Variants in NLGN1 observed in about 807,000 individuals in gnomAD.
NLGN1 encodes the protein neuroligin-1.
Under a neutral mutation model 65.5 loss-of-function variants are expected in NLGN1, and 12 were observed. The ratio of observed to expected loss-of-function variants is 0.18; its 90% CI spans 0.12 to 0.30. NLGN1 has a LOEUF of 0.30. NLGN1 is among the 10% of genes least tolerant of loss of function. The probability of loss-of-function intolerance (pLI) is 1.00; values close to 1 mark genes in which losing one functional copy is unlikely to be tolerated. For synonymous variants in NLGN1, 350 were observed against 359.5 expected (o/e 0.97, Z 0.30); for missense variants, 750 against 1,007.1 (o/e 0.74, Z 3.46).
At chr3:174,265,101 T>C (rs906664359) in intron 4 of NLGN1, among the ~76,000 whole-genome samples, 1 of 151,740 alleles carries the variant, frequency 6.6e-6, no homozygotes, top group Non-Finnish European at 1.5e-5. Flanking sequence ...GACAGGGACA[T>C]TTAAGTCTGC....
intron 3 of NLGN1, among the ~76,000 whole-genome samples, chr3:173,675,927 G>A (rs1763109801): frequency 7.0e-6 from 1 of 142,536 alleles, no homozygotes. Flanking sequence ...ACACACTAGA[G>A]TATAAGTAAA....
At chr3:173,738,402 A>G (rs571433742) in intron 3 of NLGN1, among the ~76,000 whole-genome samples, 8 of 152,142 alleles carry the variant, frequency 5.3e-5, no homozygotes, top group Non-Finnish European at 7.4e-5. Context: ...TTCATAATCT[A>G]TTTGGAGTTA....
chr3:173,899,654 T>C (rs996462823), intron 4 of NLGN1, among the ~76,000 whole-genome samples: 4 of 152,114 alleles, frequency 2.6e-5, no homozygotes, highest in African/African-American at 9.6e-5. Context: ...TTAATAAAGT[T>C]TTATTGGAAC....
intron 4 of NLGN1, among the ~76,000 whole-genome samples, chr3:174,074,443 T>C (rs1740497114): frequency 6.6e-6 from 1 of 152,204 alleles, no homozygotes; most frequent in Non-Finnish European, 1.5e-5. Flanking sequence ...CAAACTGTTC[T>C]TTATAGTAAT....
intron 2 of NLGN1, among the ~76,000 whole-genome samples, chr3:173,600,538 GAA>G (rs34634992): frequency 0.69 from 99,977 of 145,064 alleles, 35,739 homozygotes; most frequent in Non-Finnish European, 0.8. Flanking sequence ...AGTTCAACAA[GAA>G]AACAAATAAA....
At chr3:174,123,037 A>G (rs1413088056) in intron 4 of NLGN1, among the ~76,000 whole-genome samples, 1 of 152,138 alleles carries the variant, frequency 6.6e-6, no homozygotes, top group Non-Finnish European at 1.5e-5. Context: ...GGAACCACCA[A>G]GAAGAGGATG....
intron 5 of NLGN1, 79 bp from the exon 6 acceptor site, chr3:174,278,782 G>A (rs1751052974): frequency 8.6e-7 from 1 of 1,158,702 alleles, no homozygotes; most frequent in Admixed American, 3.1e-5. Flanking sequence ...TTATATACAT[G>A]TCTAAAATAT....
intron 4 of NLGN1, among the ~76,000 whole-genome samples, chr3:173,869,441 A>G (rs1730769410): frequency 6.6e-6 from 1 of 152,162 alleles, no homozygotes; most frequent in African/African-American, 2.4e-5. Flanking sequence ...CTAATGGCCA[A>G]TGGCAAAGGT....
At chr3:174,110,357 A>G (rs1003139566) in intron 4 of NLGN1, among the ~76,000 whole-genome samples, 4 of 151,884 alleles carry the variant, frequency 2.6e-5, no homozygotes, top group African/African-American at 9.7e-5. Context: ...TTTTATTTCT[A>G]TCTAGCTGTT....
chr3:173,456,605 C>G (rs1330909811), intron 2 of NLGN1, among the ~76,000 whole-genome samples: 1 of 152,054 alleles, frequency 6.6e-6, no homozygotes, highest in Admixed American at 6.6e-5. Flanking sequence ...TTCAGGAGTT[C>G]AAATGAAGAG....
chr3:173,452,432 C>T (rs751748383), intron 2 of NLGN1, among the ~76,000 whole-genome samples: 8 of 152,170 alleles, frequency 5.3e-5, no homozygotes, highest in Non-Finnish European at 1.0e-4. Flanking sequence ...ATGATCCACC[C>T]GCCTTGGCCT....
intron 2 of NLGN1, among the ~76,000 whole-genome samples, chr3:173,451,840 G>A (rs1047370079): frequency 6.6e-5 from 10 of 152,190 alleles, no homozygotes; most frequent in Non-Finnish European, 1.3e-4. Context: ...GGCTCCGTGG[G>A]CGTAGGACCC....
chr3:173,427,664 G>A (rs573887397), intron 1 of NLGN1, among the ~76,000 whole-genome samples: 145 of 151,824 alleles, frequency 9.6e-4, no homozygotes, highest in African/African-American at 3.4e-3. Context: ...ATTCCATTGT[G>A]GTCAGAAAAG....
chr3:173,965,711 T>C (rs1420068142), intron 4 of NLGN1, among the ~76,000 whole-genome samples: 1 of 152,108 alleles, frequency 6.6e-6, no homozygotes, highest in East Asian at 1.9e-4. Context: ...TTTTTCAGGA[T>C]CTTTTATTCA....
chr3:173,684,483 C>G (rs1181723859), intron 3 of NLGN1, among the ~76,000 whole-genome samples: 2 of 152,134 alleles, frequency 1.3e-5, no homozygotes, highest in Non-Finnish European at 2.9e-5. Flanking sequence ...TAAAAGATGT[C>G]CATTGCTCTA....
chr3:173,824,728 T>C (rs1720992522), intron 4 of NLGN1, among the ~76,000 whole-genome samples: 1 of 152,136 alleles, frequency 6.6e-6, no homozygotes, highest in South Asian at 2.1e-4. Context: ...ATGATCGTGC[T>C]GTGTCTCCCT....
chr3:174,272,158 CCTT>C (rs1749519586), intron 4 of NLGN1, among the ~76,000 whole-genome samples: 1 of 151,554 alleles, frequency 6.6e-6, no homozygotes, highest in Non-Finnish European at 1.5e-5. Context: ...AAAGGAAAAG[CCTT>C]CTTCTCCAAA....
chr3:174,212,987 A>T lies in NLGN1; in HGVS notation c.647-62328A>T, dbSNP rs77954742. ...ACTTAAAGGCCCCTGTGATTACATT[A>T]GACCCACCTGGATAATCCAGGATAC... On this transcript the variant is annotated intron_variant, in intron 4 of 6. Transcript: ENST00000457714. 5.9e-3 allele frequency among the ~76,000 whole-genome samples: 895 copies of T among 152,318 alleles called. 23 individuals are homozygous for T. Among genetic ancestry groups the T allele is most frequent in the East Asian group, 0.029 (152 of 5,170 alleles).
At chr3:173,807,431 A>C (rs937851670) in intron 3 of NLGN1, among the ~76,000 whole-genome samples, 7 of 152,158 alleles carry the variant, frequency 4.6e-5, no homozygotes, top group Non-Finnish European at 1.0e-4. Context: ...ATCTAATTTT[A>C]ATTTGTCTAA....
Sources: gnomAD v4.1 joint callset for allele counts (sites outside exome capture counted in the v4.1 genomes callset) on GRCh38, gnomAD v4.1.1 for gene constraint, MANE v1.5 for transcripts, NCBI Gene and HGNC (gene_info 2026-07-23, HGNC 2026-07-21) for gene names.